TEX9: variants seen among roughly 807,000 people sequenced by gnomAD.
The protein encoded by TEX9 is testis-expressed protein 9.
A neutral mutation model predicts 59.6 loss-of-function variants in TEX9; 74 were observed. That is an observed-to-expected ratio of 1.24 (90% CI 1.03 to 1.51). The LOEUF is 1.51. Ranked by LOEUF, TEX9 falls within the 40% of genes most tolerant of loss-of-function variation. The pLI is 0.00. For synonymous variants in TEX9, 186 were observed against 152.2 expected (o/e 1.22, Z -1.64); for missense variants, 522 against 447.8 (o/e 1.17, Z -1.49).
intron 10 of TEX9, among the ~76,000 whole-genome samples, chr15:56,425,632 A>T (rs991160598): frequency 6.6e-6 from 1 of 152,088 alleles, no homozygotes; most frequent in Non-Finnish European, 1.5e-5. Context: ...TTAGTTGTCA[A>T]TATTCTCCTT....
At position 56,285,108 on chromosome 15, in the gene TEX9, C is replaced by T. The variant is rs746493379; in HGVS notation, c.-107+40830C>T. On this transcript the variant is annotated intron_variant, in intron 1 of 5. Coordinates refer to the TEX9 transcript ENST00000560827. ...CACTTTTTTTGCTCTTTATGCCTTT[C>T]GTATCTCACACCTTCTATGAGATTA... Among the ~76,000 whole-genome samples, 29 of 152,224 alleles carry T rather than the reference C, an allele frequency of 1.9e-4. No homozygotes were observed. In the East Asian group the frequency reaches 3.9e-3, roughly 20 times the overall value.
intron 4 of TEX9, among the ~76,000 whole-genome samples, chr15:56,387,997 T>G (rs1482861305): frequency 2.0e-5 from 3 of 152,032 alleles, no homozygotes; most frequent in Non-Finnish European, 4.4e-5. Flanking sequence ...TATAAACTTT[T>G]AAATTGACTA....
intron 9 of TEX9, among the ~76,000 whole-genome samples, chr15:56,406,190 C>G (rs1277578156): frequency 6.6e-6 from 1 of 152,144 alleles, no homozygotes; most frequent in African/African-American, 2.4e-5. Context: ...TCTAAAATTT[C>G]ATACAAATGA....
At chr15:56,252,673 G>A (rs537307966) in intron 1 of TEX9, among the ~76,000 whole-genome samples, 1 of 151,880 alleles carries the variant, frequency 6.6e-6, no homozygotes, top group South Asian at 2.1e-4. Context: ...GTAACCTCTA[G>A]TTTCTTATCT....
rs1567091334 is a variant in TEX9 at position 56,339,390 on chromosome 15, A to AAAAAAAAAAAAAAAAAAAAAC, written c.-106-34031_-106-34030insCAAAAAAAAAAAAAAAAAAAA. On this transcript the variant is annotated intron_variant, in intron 1 of 5. Transcript: ENST00000560827. ...AGAGCAAGACTCCTTCTCCAAAAAA[A>AAAAAAAAAAAAAAAAAAAAAC]AAAAAAAAAAAAAAAAAAAAAAAAC... Among the ~76,000 whole-genome samples the AAAAAAAAAAAAAAAAAAAAAC allele has an allele frequency of 3.9e-4, 42 of 107,042 alleles. 2 individuals are homozygous for AAAAAAAAAAAAAAAAAAAAAC. The highest frequency in any genetic ancestry group is 1.5e-3 in the African/African-American group (41 of 28,034). The allele number at this position is 107,042 out of a possible 152,430, so 70.2% of individuals were successfully genotyped here.
At chr15:56,269,540 C>T (rs924272506) in intron 1 of TEX9, among the ~76,000 whole-genome samples, 5 of 152,080 alleles carry the variant, frequency 3.3e-5, no homozygotes, top group African/African-American at 1.2e-4. Flanking sequence ...TCATTGGTTT[C>T]AAAGAACATC....
intron 1 of TEX9, among the ~76,000 whole-genome samples, chr15:56,323,955 C>G (rs532198909): frequency 1.3e-5 from 2 of 152,170 alleles, no homozygotes; most frequent in Admixed American, 6.5e-5. Context: ...GTATAGTTAA[C>G]ACACTAATGG....
rs1214212613 is a variant in TEX9, at chr15:56,436,177, T to C, written c.*29+7704T>C. On this transcript the variant is annotated intron_variant, in intron 12 of 12. Coordinates refer to ENST00000352903, the Ensembl canonical transcript of TEX9. ...CATTCTTCTCAGCACCACACCGCAC[T>C]TATTCCAAAGTTGACCACATAGTTG... 5.3e-5 allele frequency among the ~76,000 whole-genome samples: 8 copies of C among 152,162 alleles called. No individual in the cohort carries two copies. The East Asian group carries it at 1.5e-3, about 29-fold the overall frequency.
intron 1 of TEX9, among the ~76,000 whole-genome samples, chr15:56,324,065 G>C (rs2045965019): frequency 6.6e-6 from 1 of 152,088 alleles, no homozygotes; most frequent in African/African-American, 2.4e-5. Context: ...ATCGAAAGCA[G>C]GTTCTTATTG....
intron 1 of TEX9, among the ~76,000 whole-genome samples, chr15:56,273,614 T>C (rs1171943268): frequency 1.3e-5 from 2 of 152,072 alleles, no homozygotes; most frequent in Admixed American, 6.5e-5. Context: ...CTAGCTCTGA[T>C]TCTTTCTGAA....
chr15:56,290,702 A>C (rs1266915618), intron 1 of TEX9, among the ~76,000 whole-genome samples: 1 of 151,648 alleles, frequency 6.6e-6, no homozygotes, highest in Admixed American at 6.6e-5. Context: ...TGATACCCCA[A>C]CCTCAGTCTC....
At chr15:56,297,538 TCTGTTGCCCAGG>T (rs2045244882) in intron 1 of TEX9, among the ~76,000 whole-genome samples, 1 of 152,236 alleles carries the variant, frequency 6.6e-6, no homozygotes, top group Non-Finnish European at 1.5e-5. Context: ...TTTTTCTCAC[TCTGTTGCCCAGG>T]CTGGAGTGCA....
chr15:56,244,539 TCCTTCGTG>T (rs1230119005), intron 1 of TEX9, among the ~76,000 whole-genome samples: 3 of 152,106 alleles, frequency 2.0e-5, no homozygotes, highest in Non-Finnish European at 4.4e-5. Flanking sequence ...GATTCATTCT[TCCTTCGTG>T]CCTTTGCTCA....
intron 9 of TEX9, among the ~76,000 whole-genome samples, chr15:56,406,204 C>T (rs576666856): frequency 2.6e-5 from 4 of 152,214 alleles, no homozygotes; most frequent in African/African-American, 7.2e-5. Context: ...CAAATGAAAT[C>T]GTGAATATGG....
downstream of TEX9, among the ~76,000 whole-genome samples, chr15:56,450,813 T>G (rs1208743710): frequency 6.6e-6 from 1 of 152,214 alleles, no homozygotes; most frequent in African/African-American, 2.4e-5. Context: ...TTGTTTAACT[T>G]TTTCCCATAG....
chr15:56,444,745 T>C, intron 12 of TEX9: 1 of 1,212,050 alleles, frequency 8.3e-7, no homozygotes, highest in Non-Finnish European at 1.2e-6. Flanking sequence ...TTTACACCAA[T>C]GTTATTGAAT....
exon 8 of TEX9, chr15:56,394,217 G>A (rs762572184): frequency 6.2e-7 from 1 of 1,608,094 alleles, no homozygotes; most frequent in South Asian, 1.1e-5. Context: ...AGGAGGAATT[G>A]GATAATGTTG....
chr15:56,434,994 T>C (rs1223205513), intron 12 of TEX9, among the ~76,000 whole-genome samples: 1 of 152,110 alleles, frequency 6.6e-6, no homozygotes, highest in Non-Finnish European at 1.5e-5. Context: ...CATTTTATTA[T>C]GAAAAATTTC....
chr15:56,348,728 G>GTATT (rs776680785), intron 1 of TEX9, among the ~76,000 whole-genome samples: 5 of 151,904 alleles, frequency 3.3e-5, no homozygotes, highest in Non-Finnish European at 7.4e-5. Context: ...TCTTTCCTTT[G>GTATT]TATTTATACT....
Sources: allele counts gnomAD v4.1 joint callset (sites outside exome capture counted in the v4.1 genomes callset), GRCh38; gene constraint gnomAD v4.1.1; transcripts MANE v1.5; gene names NCBI Gene and HGNC (gene_info 2026-07-23, HGNC 2026-07-21).